Variants in RFX3 observed in about 807,000 individuals in gnomAD.
The protein encoded by RFX3 is transcription factor RFX3.
A neutral mutation model predicts 98.6 loss-of-function variants in RFX3; 14 were observed. The ratio of observed to expected loss-of-function variants is 0.14; its 90% confidence interval spans 0.09 to 0.22. The LOEUF (loss-of-function observed/expected upper bound fraction) is 0.22. Ranked by LOEUF, RFX3 falls within the 10% of genes least tolerant of loss-of-function variation. The pLI is 1.00. For missense variants in RFX3, 639 were observed against 926.9 expected (o/e 0.69, Z 4.03); for synonymous variants, 383 against 328.4 (o/e 1.17, Z -1.80).
intron 5 of RFX3, among the ~76,000 whole-genome samples, chr9:3,293,733 C>A (rs891470878): frequency 2.0e-5 from 3 of 151,940 alleles, no homozygotes; most frequent in African/African-American, 7.3e-5. Flanking sequence ...AGTTACATTC[C>A]TTTTTATAGA....
rs1820492461 is a variant in RFX3 at position 3,245,151 on chromosome 9, T to C, written c.1968+2881A>G. ...AATTAGTATTGTGGAGCTTCTAGAATGACAAGTAAAAGTACATATCAGAAA... is the reference window on the plus strand; with the variant it reads ...AATTAGTATTGTGGAGCTTCTAGAACGACAAGTAAAAGTACATATCAGAAA... On this transcript the variant is annotated intron_variant, in intron 15 of 16. Transcript: ENST00000617270. Among the ~76,000 whole-genome samples, 3 of 152,318 alleles carry C rather than the reference T, an allele frequency of 2.0e-5. No individual in the cohort carries two copies. The South Asian group carries it at 6.2e-4, about 32-fold the overall frequency.
chr9:3,356,006 T>C (rs1337522235), intron 2 of RFX3, among the ~76,000 whole-genome samples: 1 of 151,808 alleles, frequency 6.6e-6, no homozygotes, highest in Non-Finnish European at 1.5e-5. Flanking sequence ...ACTGAAAATA[T>C]ATCATAATTT....
At chr9:3,385,379 T>A (rs1373921106) in intron 2 of RFX3, among the ~76,000 whole-genome samples, 2 of 152,076 alleles carry the variant, frequency 1.3e-5, no homozygotes, top group Non-Finnish European at 2.9e-5. Context: ...CTAAAGTAAG[T>A]CTATACATAG....
chr9:3,358,900 T>C (rs1278152505), intron 2 of RFX3, among the ~76,000 whole-genome samples: 1 of 151,932 alleles, frequency 6.6e-6, no homozygotes. Context: ...TCAGATCTCA[T>C]GAGAACTCAC....
chr9:3,335,242 A>G (rs1030660466), intron 3 of RFX3, among the ~76,000 whole-genome samples: 38 of 152,318 alleles, frequency 2.5e-4, no homozygotes, highest in African/African-American at 8.9e-4. Context: ...ATGCACAAGT[A>G]ACAGGTAACT....
At chr9:3,416,214 G>C (rs1387068378) in intron 1 of RFX3, among the ~76,000 whole-genome samples, 1 of 152,092 alleles carries the variant, frequency 6.6e-6, no homozygotes, top group Non-Finnish European at 1.5e-5. Flanking sequence ...TGACAATCAA[G>C]ATAGAAATAA....
intron 4 of RFX3, among the ~76,000 whole-genome samples, chr9:3,309,667 C>T (rs1829742637): frequency 6.6e-6 from 1 of 152,040 alleles, no homozygotes; most frequent in Admixed American, 6.6e-5. Context: ...ATCAATATTA[C>T]ATTTTTTCAA....
intron 3 of RFX3, among the ~76,000 whole-genome samples, chr9:3,335,992 C>T (rs549384779): frequency 6.6e-6 from 1 of 152,266 alleles, no homozygotes; most frequent in South Asian, 2.1e-4. Flanking sequence ...GGTGTCTTAT[C>T]CACAATTCCA....
chr9:3,296,057 G>C (rs1391329433), intron 5 of RFX3, among the ~76,000 whole-genome samples: 2 of 151,578 alleles, frequency 1.3e-5, no homozygotes, highest in Non-Finnish European at 2.9e-5. Flanking sequence ...CATGATCATA[G>C]GAATTATCTT....
intron 1 of RFX3, among the ~76,000 whole-genome samples, chr9:3,481,485 T>TA (rs1564157832): frequency 5.9e-5 from 9 of 151,686 alleles, no homozygotes; most frequent in Non-Finnish European, 1.0e-4. Flanking sequence ...AGTACATTTT[T>TA]TAAAAAAAAA....
At chr9:3,249,770 G>C (rs1821140076) in intron 14 of RFX3, among the ~76,000 whole-genome samples, 2 of 151,978 alleles carry the variant, frequency 1.3e-5, no homozygotes, top group South Asian at 4.2e-4. Context: ...TCAAAGTTTA[G>C]CCTAAGAGTC....
intron 1 of RFX3, among the ~76,000 whole-genome samples, chr9:3,442,024 A>T (rs1214723088): frequency 6.6e-6 from 1 of 152,060 alleles, no homozygotes; most frequent in Non-Finnish European, 1.5e-5. Context: ...ACATGGTGAA[A>T]CCCTGTCTCT....
At chr9:3,341,302 C>A (rs1002698806) in intron 3 of RFX3, among the ~76,000 whole-genome samples, 1 of 151,524 alleles carries the variant, frequency 6.6e-6, no homozygotes, top group Non-Finnish European at 1.5e-5. Flanking sequence ...ATACCTAATG[C>A]TAAATGACGA....
intron 1 of RFX3, among the ~76,000 whole-genome samples, chr9:3,487,212 C>T (rs1032661887): frequency 2.6e-5 from 4 of 152,060 alleles, no homozygotes; most frequent in African/African-American, 7.2e-5. Context: ...CTTTTAACAA[C>T]CAATGTACTT....
intron 16 of RFX3, among the ~76,000 whole-genome samples, chr9:3,227,079 G>A (rs977867794): frequency 6.6e-6 from 1 of 152,166 alleles, no homozygotes; most frequent in Non-Finnish European, 1.5e-5. Flanking sequence ...AATGGGACCA[G>A]CGTGGCCACA....
At chr9:3,477,702 C>A (rs1030523860) in intron 1 of RFX3, among the ~76,000 whole-genome samples, 1 of 152,098 alleles carries the variant, frequency 6.6e-6, no homozygotes, top group Non-Finnish European at 1.5e-5. Flanking sequence ...TATTTTTCAG[C>A]AAGTTTGGAA....
chr9:3,271,089 T>C lies in RFX3; in HGVS notation c.1116A>G (p.Gln372=), dbSNP rs750488451. ...GCCACAATTTTTCTATCAGGCTAAA[T>C]TGAAGATTCACAACAACGTCCAATA... ...EAILDVVVNL[Q]FSLIEKLWQT... The change falls in exon 10 of 17, where the codon CAA becomes CAG. Residue 372 remains glutamine, a synonymous_variant. Transcript: ENST00000617270. 3.5e-5 allele frequency: 56 copies of C among 1,613,740 alleles called. No homozygotes were observed. The highest frequency in any genetic ancestry group is 6.7e-5 in the East Asian group (3 of 44,846).
At position 3,257,214 on chromosome 9, in the gene RFX3, C is replaced by T. The variant is rs1232369186; in HGVS notation, c.1606-15G>A. ...GAAGCCTGCTCCTGAGACAGTAACACAGAAAGAAAAGGAAAAGTTCAATTC... is the reference window on the plus strand; with the variant it reads ...GAAGCCTGCTCCTGAGACAGTAACATAGAAAGAAAAGGAAAAGTTCAATTC... On this transcript the variant is annotated splice_polypyrimidine_tract_variant and intron_variant, in intron 13 of 16. Coordinates refer to ENST00000617270, the MANE Select transcript of RFX3 (RefSeq NM_001282116.2). 6.2e-7 allele frequency: 1 copy of T among 1,612,366 alleles called. No individual in the cohort carries two copies. Among genetic ancestry groups the T allele is most frequent in the Non-Finnish European group, 8.5e-7 (1 of 1,178,934 alleles).
intron 4 of RFX3, among the ~76,000 whole-genome samples, chr9:3,324,911 C>T (rs1831742914): frequency 6.6e-6 from 1 of 151,944 alleles, no homozygotes; most frequent in Non-Finnish European, 1.5e-5. Context: ...TTGCAGTGAG[C>T]CGAGATCACG....
Sources: gnomAD v4.1 joint callset for allele counts (sites outside exome capture counted in the v4.1 genomes callset) on GRCh38, gnomAD v4.1.1 for gene constraint, MANE v1.5 for transcripts, NCBI Gene and HGNC (gene_info 2026-07-23, HGNC 2026-07-21) for gene names.